The following PTPRC variants were observed in gnomAD, a reference collection of about 807,000 sequenced individuals.
PTPRC encodes the protein receptor-type tyrosine-protein phosphatase C.
A neutral mutation model predicts 155.9 loss-of-function variants in PTPRC; 44 were observed. The ratio of observed to expected loss-of-function variants is 0.28; its 90% CI spans 0.22 to 0.36. The LOEUF (loss-of-function observed/expected upper bound fraction) is 0.36, where lower values mean the gene tolerates loss of function less well. Ranked by LOEUF, PTPRC falls within the 10% of genes least tolerant of loss-of-function variation. PTPRC has a pLI of 1.00. For synonymous variants in PTPRC, 525 were observed against 533.1 expected (o/e 0.98, Z 0.21); for missense variants, 1,401 against 1,564.6 (o/e 0.90, Z 1.76).
At chr1:198,696,556 A>G (rs1328738069) in intron 3 of PTPRC, among the ~76,000 whole-genome samples, 156 bp from the exon 4 acceptor site, 4 of 152,208 alleles carry the variant, frequency 2.6e-5, no homozygotes, top group African/African-American at 9.6e-5. Flanking sequence ...CACACCATAT[A>G]CATACACTTA....
At chr1:198,746,282 T>C (rs1009619120) in intron 26 of PTPRC, among the ~76,000 whole-genome samples, 1 of 151,738 alleles carries the variant, frequency 6.6e-6, no homozygotes, top group Non-Finnish European at 1.5e-5. Context: ...TCAAAGTGCT[T>C]GGTTGATTTG....
At chr1:198,641,547 C>T (rs1256062921) in intron 2 of PTPRC, among the ~76,000 whole-genome samples, 1 of 151,936 alleles carries the variant, frequency 6.6e-6, no homozygotes, top group East Asian at 1.9e-4. Context: ...TAATCTTTGC[C>T]ACGGCAACAA....
At chr1:198,639,205 A>T in intron 1 of PTPRC, 21 bp from the exon 2 acceptor site, 3 of 1,328,510 alleles carry the variant, frequency 2.3e-6, no homozygotes, top group South Asian at 2.3e-5. Flanking sequence ...CTACAGAGAT[A>T]ACAATTATTT....
chr1:198,665,079 C>CCTTTTTTTTTTTTTTTTTT (rs1557979011), intron 2 of PTPRC, among the ~76,000 whole-genome samples: 8 of 102,244 alleles, frequency 7.8e-5, no homozygotes, highest in African/African-American at 1.1e-4. Flanking sequence ...ATCCCGGCAG[C>CCTTTTTTTTTTTTTTTTTT]ATTTTTTTTT....
chr1:198,683,750 T>C (rs1028772224), intron 2 of PTPRC, among the ~76,000 whole-genome samples: 2 of 152,056 alleles, frequency 1.3e-5, no homozygotes, highest in African/African-American at 4.8e-5. Flanking sequence ...AAATAAAGGA[T>C]TGATATTTTT....
rs762123424 is a variant in PTPRC at position 198,731,617 on chromosome 1, A to G, written c.1865A>G (p.Asp622Gly). 2 of 1,598,842 alleles carry G rather than the reference A, an allele frequency of 1.3e-6. No individual in the cohort carries two copies. Among genetic ancestry groups the G allele is most frequent in the Non-Finnish European group, 1.7e-6 (2 of 1,166,704 alleles). The change falls in exon 18 of 33, where the codon GAT (aspartate) becomes GGT (glycine). Residue 622 changes from aspartate (D) to glycine (G), a missense_variant and splice_region_variant. Asp to Gly is a moderately conservative substitution (Grantham distance 94). Around this residue, in one of 3 missense-constraint regions of PTPRC, gnomAD observed 867 missense variants for 970.4 expected, o/e 0.89. Coordinates refer to ENST00000442510, the MANE Select transcript of PTPRC (RefSeq NM_002838.5). ...LDEQQELVERDDEKQLMNVEP... is the reference protein window; with the variant it reads ...LDEQQELVERGDEKQLMNVEP... Reference sequence around the variant, plus strand: ...TATTGAATCTTTAATATGTTTCCAGATGATGAAAAACAACTGATGAATGTG... The same window carrying G: ...TATTGAATCTTTAATATGTTTCCAGGTGATGAAAAACAACTGATGAATGTG...
At chr1:198,724,489 T>A (rs1558023902) in intron 15 of PTPRC, among the ~76,000 whole-genome samples, 1 of 152,172 alleles carries the variant, frequency 6.6e-6, no homozygotes, top group Non-Finnish European at 1.5e-5. Context: ...CTGAGTTCAC[T>A]GATATATGTT....
At chr1:198,689,641 C>G (rs751191319) in intron 2 of PTPRC, among the ~76,000 whole-genome samples, 1 of 152,158 alleles carries the variant, frequency 6.6e-6, no homozygotes, top group African/African-American at 2.4e-5. Context: ...GTGCTTGCTC[C>G]TTGGCTCTTC....
At chr1:198,665,898 G>A (rs945674372) in intron 2 of PTPRC, among the ~76,000 whole-genome samples, 4 of 152,186 alleles carry the variant, frequency 2.6e-5, no homozygotes, top group Middle Eastern at 3.4e-3. Flanking sequence ...CCAAGTGTAC[G>A]TATTGTTTAT....
At chr1:198,675,548 C>A (rs775878848) in intron 2 of PTPRC, among the ~76,000 whole-genome samples, 18 of 152,188 alleles carry the variant, frequency 1.2e-4, no homozygotes, top group Non-Finnish European at 2.5e-4. Flanking sequence ...AATCTATAAG[C>A]CTCCCCTAAG....
Position 198,735,207 on chromosome 1 carries a change from C to A in PTPRC, c.2358C>A (p.His786Gln). The A allele has an allele frequency of 1.2e-6, 2 of 1,604,160 alleles. No homozygotes were observed. The highest frequency in any genetic ancestry group is 1.7e-6 in the Non-Finnish European group (2 of 1,174,046). ...FGDVVVKINQ[H>Q]KRCPDYIIQK... ...ATGTTGTTGTAAAGATCAACCAGCA[C>A]AAAAGATGTCCAGATTACATCATTC... Residue 786 changes from histidine (H) to glutamine (Q), a missense_variant, in exon 23 of 33, where the codon CAC (histidine) becomes CAA (glutamine). His to Gln is a conservative substitution (Grantham distance 24). Around this residue, in one of 3 missense-constraint regions of PTPRC, gnomAD observed 867 missense variants for 970.4 expected, o/e 0.89. Transcript: ENST00000442510.
chr1:198,692,363 T>C lies in PTPRC; in HGVS notation c.90T>C (p.Pro30=). 6.7e-7 allele frequency: 1 copy of C among 1,501,698 alleles called. No homozygotes were observed. The highest frequency in any genetic ancestry group is 8.9e-7 in the Non-Finnish European group (1 of 1,122,366). The allele number at this position is 1,501,698 out of a possible 1,614,324, so 93.0% of individuals were successfully genotyped here. A position where few individuals can be genotyped will look rare whatever the true frequency, so the allele number is the denominator to read the frequency against. The change falls in exon 3 of 33, where the codon CCT becomes CCC. Residue 30 remains proline, a synonymous_variant. Transcript: ENST00000442510. The part of the protein sequence containing the change: ...EVFVTGQSPT[P]SPTGLTTAKM... ...TCTTTGCAGGGCAAAGCCCAACACCTTCCCCCACTGGTAAGAATTAATATT... is the reference window on the plus strand; with the variant it reads ...TCTTTGCAGGGCAAAGCCCAACACCCTCCCCCACTGGTAAGAATTAATATT...
chr1:198,731,199 G>A (rs1045626688), intron 17 of PTPRC, among the ~76,000 whole-genome samples: 1 of 151,940 alleles, frequency 6.6e-6, no homozygotes, highest in Non-Finnish European at 1.5e-5. Context: ...TAATCATATT[G>A]TCTTATTTCA....
intron 2 of PTPRC, among the ~76,000 whole-genome samples, chr1:198,642,040 AT>A (rs1027243923): frequency 3.3e-5 from 5 of 152,024 alleles, no homozygotes; most frequent in Non-Finnish European, 7.4e-5. Context: ...TTGAAAAAAA[AT>A]GTCCTACTAA....
chr1:198,675,011 G>C (rs1193958550), intron 2 of PTPRC, among the ~76,000 whole-genome samples: 1 of 152,048 alleles, frequency 6.6e-6, no homozygotes, highest in East Asian at 1.9e-4. Flanking sequence ...TAGTCCCCTA[G>C]GATTTGTGAC....
chr1:198,663,199 C>T (rs1008773199), intron 2 of PTPRC, among the ~76,000 whole-genome samples: 1 of 152,204 alleles, frequency 6.6e-6, no homozygotes, highest in African/African-American at 2.4e-5. Context: ...TTTCTTAGAC[C>T]TGAACCCTGC....
intron 23 of PTPRC, among the ~76,000 whole-genome samples, chr1:198,735,899 A>G (rs2102495425): frequency 6.6e-6 from 1 of 151,710 alleles, no homozygotes; most frequent in Middle Eastern, 3.4e-3. Context: ...TCATTTTGTG[A>G]TGGTGAAAAT....
At chr1:198,718,902 A>T (rs866888530) in intron 14 of PTPRC, among the ~76,000 whole-genome samples, 1 of 152,258 alleles carries the variant, frequency 6.6e-6, no homozygotes, top group East Asian at 1.9e-4. Flanking sequence ...ACTATATCAC[A>T]CACACCTTTC....
At chr1:198,645,902 G>A (rs1469417170) in intron 2 of PTPRC, among the ~76,000 whole-genome samples, 1 of 151,676 alleles carries the variant, frequency 6.6e-6, no homozygotes. Flanking sequence ...AGTCTCACCT[G>A]CCTTCAATCC....
Sources: allele counts gnomAD v4.1 joint callset (sites outside exome capture counted in the v4.1 genomes callset), GRCh38; gene constraint gnomAD v4.1.1; regional missense constraint gnomAD v4.1.1; transcripts MANE v1.5; gene names NCBI Gene and HGNC (gene_info 2026-07-23, HGNC 2026-07-21).